The following NELL1 variants were observed in gnomAD, a reference collection of about 807,000 sequenced individuals.
NELL1 encodes the protein protein kinase C-binding protein NELL1.
NELL1 carries 76 observed loss-of-function variants against 107.4 expected under a neutral mutation model. That is an observed-to-expected ratio of 0.71 (90% CI 0.59 to 0.86). The LOEUF (loss-of-function observed/expected upper bound fraction) is 0.86, where lower values mean the gene tolerates loss of function less well. NELL1 is among the 40% of genes least tolerant of loss of function. The pLI, the probability that NELL1 is intolerant of heterozygous loss-of-function variation, is 0.00. For synonymous variants in NELL1, 353 were observed against 341.2 expected (o/e 1.03, Z -0.38); for missense variants, 1,024 against 1,005.5 (o/e 1.02, Z -0.25).
chr11:21,458,055 C>T (rs1295422446), intron 15 of NELL1, among the ~76,000 whole-genome samples: 4 of 152,064 alleles, frequency 2.6e-5, no homozygotes, highest in Non-Finnish European at 5.9e-5. Context: ...AATCACTCTC[C>T]AGGAAATCTG....
chr11:20,936,194 A>T (rs2134183264), intron 9 of NELL1, among the ~76,000 whole-genome samples: 1 of 152,224 alleles, frequency 6.6e-6, no homozygotes, highest in South Asian at 2.1e-4. Flanking sequence ...GGCCCTTCGG[A>T]GTTGTCCTCA....
intron 15 of NELL1, among the ~76,000 whole-genome samples, chr11:21,501,670 A>G (rs1472333245): frequency 6.6e-6 from 1 of 152,218 alleles, no homozygotes; most frequent in Non-Finnish European, 1.5e-5. Flanking sequence ...CATGAATGAC[A>G]AAAACGCTTT....
At chr11:20,882,398 T>C (rs368202949) in intron 4 of NELL1, among the ~76,000 whole-genome samples, 5 of 152,188 alleles carry the variant, frequency 3.3e-5, no homozygotes, top group African/African-American at 1.2e-4. Flanking sequence ...ACCTTGTTGG[T>C]TTTTTCTCTA....
intron 14 of NELL1, among the ~76,000 whole-genome samples, chr11:21,302,935 C>T (rs957593493): frequency 6.6e-6 from 1 of 151,738 alleles, no homozygotes; most frequent in Non-Finnish European, 1.5e-5. Context: ...GCAGCACATG[C>T]CTGTGGTCCT....
intron 12 of NELL1, among the ~76,000 whole-genome samples, chr11:21,063,005 T>C (rs1853779065): frequency 6.6e-6 from 1 of 151,696 alleles, no homozygotes; most frequent in Admixed American, 6.6e-5. Context: ...TGTGTGTGTG[T>C]GTGTATGTGT....
intron 15 of NELL1, among the ~76,000 whole-genome samples, chr11:21,485,307 T>C (rs1443948055): frequency 1.3e-5 from 2 of 151,906 alleles, no homozygotes; most frequent in Non-Finnish European, 2.9e-5. Flanking sequence ...AAATCTCACC[T>C]CTCCCACTGC....
At chr11:21,229,600 G>T in intron 14 of NELL1, 146 bp downstream of exon 14, 3 of 1,134,202 alleles carry the variant, frequency 2.6e-6, no homozygotes, top group East Asian at 2.6e-5. Flanking sequence ...GGTACTGTGC[G>T]TCAGGGAAAA....
intron 4 of NELL1, among the ~76,000 whole-genome samples, chr11:20,860,496 T>A (rs1848959622): frequency 6.6e-6 from 1 of 152,210 alleles, no homozygotes. Flanking sequence ...CTCAGTCTCC[T>A]CATCTGTGTA....
At chr11:20,728,635 A>G (rs946965579) in intron 2 of NELL1, among the ~76,000 whole-genome samples, 1 of 145,234 alleles carries the variant, frequency 6.9e-6, no homozygotes, top group Admixed American at 6.8e-5. Context: ...TTGTGGCTTT[A>G]TTTCTGGGTT....
rs11025911 is a variant in NELL1 at position 21,087,344 on chromosome 11, T to G, written c.1301-26245T>G. On this transcript the variant is annotated intron_variant, in intron 12 of 19. Transcript: ENST00000357134. ...AGAAAATTTTTTTGTTTGAGTCGCC[T>G]TAGGTTTTGACTAAGGAATTTAATG... 0.01 allele frequency among the ~76,000 whole-genome samples: 1,541 copies of G among 152,054 alleles called. 65 individuals carry two copies. In the East Asian group the frequency reaches 0.13, roughly 13 times the overall value.
intron 3 of NELL1, among the ~76,000 whole-genome samples, chr11:20,793,909 A>T (rs972830719): frequency 1.3e-5 from 2 of 152,170 alleles, no homozygotes; most frequent in African/African-American, 4.8e-5. Flanking sequence ...TACATTTAAA[A>T]ATAATGGATT....
intron 12 of NELL1, among the ~76,000 whole-genome samples, chr11:21,096,940 C>G (rs1050004205): frequency 6.6e-6 from 1 of 151,986 alleles, no homozygotes; most frequent in Non-Finnish European, 1.5e-5. Flanking sequence ...TGGTCTTCAA[C>G]TCCTGGGTTT....
intron 3 of NELL1, among the ~76,000 whole-genome samples, chr11:20,828,293 C>T (rs1857928582): frequency 6.9e-6 from 1 of 145,268 alleles, no homozygotes; most frequent in Non-Finnish European, 1.6e-5. Flanking sequence ...GTTTAAAGGG[C>T]ATGATTTAAA....
intron 2 of NELL1, among the ~76,000 whole-genome samples, chr11:20,748,911 C>T (rs2403622): frequency 0.033 from 4,797 of 143,404 alleles, 98 homozygotes; most frequent in East Asian, 0.054. Flanking sequence ...CACCCAGCCA[C>T]CCATCCATCC....
At chr11:21,527,508 G>A (rs957413543) in intron 15 of NELL1, among the ~76,000 whole-genome samples, 1 of 152,126 alleles carries the variant, frequency 6.6e-6, no homozygotes, top group African/African-American at 2.4e-5. Flanking sequence ...ACCAAAATCT[G>A]TATTAGTCAG....
intron 14 of NELL1, among the ~76,000 whole-genome samples, chr11:21,255,057 C>T (rs114435225): frequency 9.2e-5 from 14 of 152,186 alleles, no homozygotes; most frequent in African/African-American, 2.9e-4. Flanking sequence ...TCCAAATTAA[C>T]AACAAAGAGA....
intron 11 of NELL1, among the ~76,000 whole-genome samples, chr11:20,952,310 A>C (rs1987307): frequency 0.064 from 9,722 of 152,248 alleles, 417 homozygotes; most frequent in Middle Eastern, 0.11. Context: ...ATTTTAATTC[A>C]GGCTCACTTG....
chr11:21,037,299 G>C (rs963519402), intron 12 of NELL1, among the ~76,000 whole-genome samples: 4 of 151,926 alleles, frequency 2.6e-5, no homozygotes, highest in African/African-American at 9.7e-5. Context: ...GCTTTGCTTT[G>C]GCTTCTTCTA....
At chr11:21,280,115 A>C (rs1262654679) in intron 14 of NELL1, among the ~76,000 whole-genome samples, 1 of 152,186 alleles carries the variant, frequency 6.6e-6, no homozygotes, top group African/African-American at 2.4e-5. Flanking sequence ...ACTACTCTGT[A>C]ATGATACTAC....
Sources: allele counts gnomAD v4.1 joint callset (sites outside exome capture counted in the v4.1 genomes callset), GRCh38; gene constraint gnomAD v4.1.1; transcripts MANE v1.5; gene names NCBI Gene and HGNC (gene_info 2026-07-23, HGNC 2026-07-21).